The following FAT4 variants were observed in gnomAD, a reference collection of about 807,000 sequenced individuals.
The protein encoded by FAT4 is FAT atypical cadherin 4.
In FAT4, 84 loss-of-function variants were observed where a neutral mutation model predicts 303.9. The observed-to-expected ratio is 0.28, with a 90% confidence interval of 0.23 to 0.33. The LOEUF is 0.33. Among genes scored for constraint, FAT4 ranks in the 10% least tolerant of loss-of-function variants. The pLI is 1.00. For missense variants in FAT4, 6,005 were observed against 6,146.8 expected (o/e 0.98, Z 0.77); for synonymous variants, 2,307 against 2,298.8 (o/e 1.00, Z -0.10).
chr4:125,444,859 C>G (rs1240903979), intron 8 of FAT4, among the ~76,000 whole-genome samples: 1 of 152,032 alleles, frequency 6.6e-6, no homozygotes. Context: ...TAAAATTACA[C>G]AATTCTCAAA....
chr4:125,352,339 TC>T (rs1301765032), intron 2 of FAT4, among the ~76,000 whole-genome samples: 4 of 151,568 alleles, frequency 2.6e-5, no homozygotes, highest in African/African-American at 9.7e-5. Context: ...CTCACCCTCT[TC>T]ACCATTTCAA....
chr4:125,472,059 C>A (rs1364971494), intron 12 of FAT4, among the ~76,000 whole-genome samples: 5 of 110,928 alleles, frequency 4.5e-5, no homozygotes, highest in Admixed American at 1.1e-4. Context: ...GGTGACAGAG[C>A]AAGACTCTGT....
At chr4:125,435,255 C>G (rs1244143311) in intron 8 of FAT4, among the ~76,000 whole-genome samples, 2 of 152,130 alleles carry the variant, frequency 1.3e-5, no homozygotes, top group Admixed American at 1.3e-4. Context: ...TTGTCCCCTT[C>G]TTCCATATCT....
At chr4:125,349,747 A>G (rs549894277) in intron 2 of FAT4, among the ~76,000 whole-genome samples, 24 of 151,828 alleles carry the variant, frequency 1.6e-4, no homozygotes, top group Middle Eastern at 6.8e-3. Flanking sequence ...GTATCATCAC[A>G]TAAGCTAGAT....
intron 5 of FAT4, 82 bp from the exon 6 acceptor site, chr4:125,414,802 A>T: frequency 1.1e-6 from 1 of 925,376 alleles, no homozygotes; most frequent in Non-Finnish European, 1.7e-6. Flanking sequence ...AAACATGCCA[A>T]ATTACTTGCT....
In FAT4 at chr4:125,416,556, G is replaced by A. The variant is rs774127555; in HGVS notation, c.6952G>A (p.Val2318Ile). The change falls in exon 7 of 18, where the codon GTA becomes ATA. Residue 2318 changes from valine to isoleucine, a missense_variant. Coordinates refer to ENST00000394329, the MANE Select transcript of FAT4 (RefSeq NM_001291303.3). ...TCTCTCAGCCAGTGGAGAACTTGGAGTAACACAGAGTCTGGATCGGGAAAC... is the reference window on the plus strand; with the variant it reads ...TCTCTCAGCCAGTGGAGAACTTGGAATAACACAGAGTCTGGATCGGGAAAC... ...FTLSASGELG[V>I]TQSLDRETKE... 7 of 1,613,880 alleles carry A rather than the reference G, an allele frequency of 4.3e-6. No individual in the cohort carries two copies. Among genetic ancestry groups the A allele is most frequent in the African/African-American group, 1.3e-5 (1 of 74,908 alleles).
intron 2 of FAT4, among the ~76,000 whole-genome samples, chr4:125,391,441 T>C (rs1733975087): frequency 6.6e-6 from 1 of 152,046 alleles, no homozygotes. Context: ...TTCTGCATGC[T>C]CTCACTCATA....
chr4:125,434,199 AT>A (rs1177781666), intron 7 of FAT4, 45 bp from the exon 8 acceptor site: 5 of 1,561,790 alleles, frequency 3.2e-6, no homozygotes, highest in Non-Finnish European at 4.3e-6. Context: ...TAAATTTGTT[AT>A]TTTTTGTTTA....
intron 11 of FAT4, among the ~76,000 whole-genome samples, chr4:125,466,788 T>C (rs1726677952): frequency 6.6e-6 from 1 of 150,802 alleles, no homozygotes; most frequent in African/African-American, 2.4e-5. Context: ...TTTTTTTTTT[T>C]TTTTGAGACG....
At chr4:125,345,801 T>G (rs1731978119) in intron 2 of FAT4, among the ~76,000 whole-genome samples, 1 of 152,066 alleles carries the variant, frequency 6.6e-6, no homozygotes, top group Admixed American at 6.6e-5. Context: ...CATATATACA[T>G]GTAGTGCTAT....
At chr4:125,336,192 T>G (rs1405105427) in intron 2 of FAT4, among the ~76,000 whole-genome samples, 1 of 152,076 alleles carries the variant, frequency 6.6e-6, no homozygotes, top group Non-Finnish European at 1.5e-5. Context: ...TTCATTGTAC[T>G]GTATCAGGTA....
chr4:125,377,786 T>C (rs1288602645), intron 2 of FAT4, among the ~76,000 whole-genome samples: 2 of 151,932 alleles, frequency 1.3e-5, no homozygotes, highest in Non-Finnish European at 2.9e-5. Context: ...AATTAGGACA[T>C]TTTGATTGAT....
chr4:125,349,097 C>T (rs1732119421), intron 2 of FAT4, among the ~76,000 whole-genome samples: 1 of 151,508 alleles, frequency 6.6e-6, no homozygotes, highest in Non-Finnish European at 1.5e-5. Flanking sequence ...GAAGAGTATA[C>T]TAAAAATATG....
intron 12 of FAT4, among the ~76,000 whole-genome samples, chr4:125,472,112 T>C (rs1726885992): frequency 6.7e-6 from 1 of 149,368 alleles, no homozygotes; most frequent in Non-Finnish European, 1.5e-5. Context: ...GTAAGATTTA[T>C]AATTCACCCT....
At chr4:125,346,280 G>C (rs1001498026) in intron 2 of FAT4, among the ~76,000 whole-genome samples, 4 of 152,046 alleles carry the variant, frequency 2.6e-5, no homozygotes, top group African/African-American at 9.6e-5. Flanking sequence ...AAATAAAAGC[G>C]GTAGCAGTGT....
intron 10 of FAT4, among the ~76,000 whole-genome samples, chr4:125,462,816 A>G (rs1303893752): frequency 6.6e-6 from 1 of 152,046 alleles, no homozygotes; most frequent in Non-Finnish European, 1.5e-5. Context: ...ATGGAAACAC[A>G]GTCTGAAGAC....
At chr4:125,383,852 A>T (rs1033828692) in intron 2 of FAT4, among the ~76,000 whole-genome samples, 5 of 152,192 alleles carry the variant, frequency 3.3e-5, no homozygotes, top group African/African-American at 2.4e-5. Flanking sequence ...TAAGATCATT[A>T]AAATAAATCC....
rs1224407367 is a variant in FAT4, at chr4:125,415,537, G to C, written c.6574G>C (p.Gly2192Arg). 6.2e-7 allele frequency: 1 copy of C among 1,613,972 alleles called. No individual in the cohort carries two copies. Among genetic ancestry groups the C allele is most frequent in the Admixed American group, 1.7e-5 (1 of 59,998 alleles). Residue 2192 changes from glycine to arginine, a missense_variant, in exon 6 of 18, where the codon GGC (glycine) becomes CGC (arginine). Gly to Arg is a moderately radical substitution (Grantham distance 125). Transcript: ENST00000394329. ...DEGTNGQVRY[G>R]IVNGNTNQEF... The stretch of plus-strand genomic sequence containing the variant: ...AGGCACAAATGGACAGGTTCGCTAT[G>C]GCATTGTTAATGGTAATACCAATCA...
In FAT4 at chr4:125,452,716, T is replaced by A. The variant is rs774612831; in HGVS notation, c.11706T>A (p.Asp3902Glu). 4 of 1,614,142 alleles carry A rather than the reference T, an allele frequency of 2.5e-6. No individual in the cohort carries two copies. Among genetic ancestry groups the A allele is most frequent in the Middle Eastern group, 1.6e-4 (1 of 6,062 alleles). ...DGFTGRACER[D>E]INECLQSPCK... ...TCACTGGTAGGGCGTGTGAGAGAGA[T>A]ATCAATGAGTGCCTGCAGAGTCCTT... Residue 3902 changes from aspartate (D) to glutamate (E), a missense_variant, in exon 10 of 18, where the codon GAT (aspartate) becomes GAA (glutamate). Transcript: ENST00000394329.
Sources: gnomAD v4.1 joint callset for allele counts (sites outside exome capture counted in the v4.1 genomes callset) on GRCh38, gnomAD v4.1.1 for gene constraint, MANE v1.5 for transcripts, NCBI Gene and HGNC (gene_info 2026-07-23, HGNC 2026-07-21) for gene names.